Variants in CDIN1 observed in about 807,000 individuals in gnomAD.
CDIN1 encodes CDAN1 interacting nuclease 1, also known as CDAN1-interacting nuclease 1.
In CDIN1, 33 loss-of-function variants were observed where a neutral mutation model predicts 45.3. The ratio of observed to expected loss-of-function variants is 0.73; its 90% CI spans 0.55 to 0.97. The LOEUF is 0.97. Among genes scored for constraint, CDIN1 ranks in the 50% least tolerant of loss-of-function variants. The pLI is 0.00. For missense variants in CDIN1, 303 were observed against 339.4 expected, an observed-to-expected ratio of 0.89 and a Z score of 0.84; for synonymous variants, 118 against 124.4, an observed-to-expected ratio of 0.95 and a Z score of 0.34.
At chr15:36,683,855 T>A (rs958507779) in intron 5 of CDIN1, among the ~76,000 whole-genome samples, 2 of 119,818 alleles carry the variant, frequency 1.7e-5, no homozygotes, top group Admixed American at 9.6e-5. Context: ...GAATGGGAGT[T>A]CACTCATGAT....
intron 10 of CDIN1, among the ~76,000 whole-genome samples, chr15:36,781,095 C>T (rs998679473): frequency 3.3e-5 from 5 of 152,120 alleles, no homozygotes; most frequent in Admixed American, 3.3e-4. Context: ...TAAACAAATT[C>T]CTCATGTACC....
At chr15:36,729,009 G>C (rs1323229837) in intron 10 of CDIN1, among the ~76,000 whole-genome samples, 1 of 152,134 alleles carries the variant, frequency 6.6e-6, no homozygotes, top group Non-Finnish European at 1.5e-5. Flanking sequence ...AACTGGAAAA[G>C]CATTTGGAAT....
At chr15:36,625,294 A>C (rs7173831) in intron 1 of CDIN1, among the ~76,000 whole-genome samples, 35,946 of 151,694 alleles carry the variant, frequency 0.24, 4,522 homozygotes, top group Admixed American at 0.35. Flanking sequence ...AAAAAAAAAA[A>C]AGTATTCTAA....
At position 36,722,955 on chromosome 15, in the gene CDIN1, T is replaced by TTGTGTGTGTG. The variant is rs5811929; in HGVS notation, c.716+13016_716+13025dup. Among the ~76,000 whole-genome samples, 7 of 60,542 alleles carry TTGTGTGTGTG rather than the reference T, an allele frequency of 1.2e-4. 1 individual carries two copies. Among genetic ancestry groups the TTGTGTGTGTG allele is most frequent in the South Asian group, 9.1e-4 (2 of 2,192 alleles). The allele number at this position is 60,542 out of a possible 152,430, so 39.7% of individuals were successfully genotyped here. On this transcript the variant is annotated intron_variant, in intron 10 of 10. Transcript: ENST00000566621. ...ATTAACACAAGTCAATTACATTCAC[T>TTGTGTGTGTG]TGTGTGTGTGTGTGTGTGTGTGTGT...
intron 1 of CDIN1, among the ~76,000 whole-genome samples, chr15:36,602,952 C>T (rs533693282): frequency 6.6e-6 from 1 of 151,824 alleles, no homozygotes; most frequent in African/African-American, 2.4e-5. Context: ...CATGCCTCTG[C>T]ACTCCAGCCT....
intron 2 of CDIN1, among the ~76,000 whole-genome samples, chr15:36,644,766 T>C (rs1321178327): frequency 6.6e-6 from 1 of 152,190 alleles, no homozygotes; most frequent in Non-Finnish European, 1.5e-5. Context: ...CTCTATGGAA[T>C]TACTTTTTGT....
At chr15:36,775,318 G>T (rs1043696912) in intron 10 of CDIN1, among the ~76,000 whole-genome samples, 1 of 152,194 alleles carries the variant, frequency 6.6e-6, no homozygotes, top group Non-Finnish European at 1.5e-5. Flanking sequence ...CGATCATGTT[G>T]CATTTTAATT....
At chr15:36,624,903 TATTAA>T (rs1273942425) in intron 1 of CDIN1, among the ~76,000 whole-genome samples, 2 of 152,150 alleles carry the variant, frequency 1.3e-5, no homozygotes, top group South Asian at 4.1e-4. Flanking sequence ...TTCTGTGACC[TATTAA>T]ATTAAGAAAG....
chr15:36,774,188 A>T (rs1244841157), intron 10 of CDIN1, among the ~76,000 whole-genome samples: 1 of 141,212 alleles, frequency 7.1e-6, no homozygotes, highest in East Asian at 2.1e-4. Context: ...GCATGAGGGG[A>T]GACACAATCA....
At chr15:36,635,423 C>T (rs1178322432) in intron 1 of CDIN1, among the ~76,000 whole-genome samples, 1 of 152,038 alleles carries the variant, frequency 6.6e-6, no homozygotes, top group Non-Finnish European at 1.5e-5. Context: ...ATGGTATTTG[C>T]AAGACGTGAA....
intron 10 of CDIN1, chr15:36,747,222 A>G (rs371479589): frequency 1.3e-5 from 5 of 372,148 alleles, no homozygotes; most frequent in African/African-American, 8.3e-5. Flanking sequence ...TCTCTAAATA[A>G]AAGTTGATAG....
intron 10 of CDIN1, among the ~76,000 whole-genome samples, chr15:36,768,183 A>C (rs17416445): frequency 0.13 from 20,168 of 152,150 alleles, 1,403 homozygotes; most frequent in Non-Finnish European, 0.15. Flanking sequence ...AGGAGATGTA[A>C]TCTTTAAACC....
chr15:36,649,555 C>T (rs2040489549), intron 3 of CDIN1, among the ~76,000 whole-genome samples: 1 of 152,114 alleles, frequency 6.6e-6, no homozygotes. Context: ...GTGTGAAAGA[C>T]TCATTTATAT....
intron 10 of CDIN1, among the ~76,000 whole-genome samples, chr15:36,781,765 T>C (rs184797789): frequency 1.1e-4 from 17 of 152,338 alleles, no homozygotes. Flanking sequence ...ACCAGAGTTA[T>C]GGATTATCAT....
intron 5 of CDIN1, among the ~76,000 whole-genome samples, chr15:36,681,935 G>A (rs913252110): frequency 5.3e-5 from 8 of 152,130 alleles, no homozygotes; most frequent in Admixed American, 3.3e-4. Context: ...CAAAAGCAGA[G>A]AATGGGATTC....
chr15:36,604,893 A>G (rs1158147650), intron 1 of CDIN1, among the ~76,000 whole-genome samples: 1 of 152,138 alleles, frequency 6.6e-6, no homozygotes, highest in African/African-American at 2.4e-5. Flanking sequence ...GCTGCCAAAG[A>G]ATTGTGTTTT....
chr15:36,672,860 G>A (rs2041503675), intron 5 of CDIN1, among the ~76,000 whole-genome samples: 1 of 151,704 alleles, frequency 6.6e-6, no homozygotes, highest in Non-Finnish European at 1.5e-5. Flanking sequence ...TTTGAATAAT[G>A]AGATGGGAGC....
chr15:36,773,264 A>C (rs2054126352), intron 10 of CDIN1, among the ~76,000 whole-genome samples: 1 of 152,168 alleles, frequency 6.6e-6, no homozygotes, highest in Admixed American at 6.5e-5. Flanking sequence ...CCCATGGTGG[A>C]TGGGGCAGTA....
chr15:36,684,501 A>G (rs1426288469), intron 5 of CDIN1, among the ~76,000 whole-genome samples: 1 of 152,128 alleles, frequency 6.6e-6, no homozygotes, highest in Non-Finnish European at 1.5e-5. Flanking sequence ...GGATTTTTGC[A>G]TCAGTGTTCA....
Sources: gnomAD v4.1 joint callset for allele counts (sites outside exome capture counted in the v4.1 genomes callset) on GRCh38, gnomAD v4.1.1 for gene constraint, MANE v1.5 for transcripts, NCBI Gene and HGNC (gene_info 2026-07-23, HGNC 2026-07-21) for gene names.